Variants in KALRN observed in about 807,000 individuals in gnomAD.
The protein encoded by KALRN is kalirin.
A neutral mutation model predicts 353.7 loss-of-function variants in KALRN; 70 were observed. That is an observed-to-expected ratio of 0.20 (90% CI 0.16 to 0.24). The LOEUF is 0.24. Among genes scored for constraint, KALRN ranks in the 10% least tolerant of loss-of-function variants. The pLI, the probability that KALRN is intolerant of heterozygous loss-of-function variation, is 1.00. For synonymous variants in KALRN, 1,391 were observed against 1,434.8 expected (o/e 0.97, Z 0.69); for missense variants, 2,791 against 3,756.7 (o/e 0.74, Z 6.72).
At chr3:124,477,469 GA>G in intron 27 of KALRN, 135 bp downstream of exon 27, 6 of 672,658 alleles carry the variant, frequency 8.9e-6, no homozygotes, top group Non-Finnish European at 1.5e-5. Context: ...CTTAAGCATG[GA>G]AAAAAAGCAA....
chr3:124,035,181 C>T (rs561005235), intron 1 of KALRN, among the ~76,000 whole-genome samples: 1 of 152,216 alleles, frequency 6.6e-6, no homozygotes, highest in South Asian at 2.1e-4. Flanking sequence ...CTTCCTCCTT[C>T]CTTCCCTCCT....
intron 1 of KALRN, among the ~76,000 whole-genome samples, chr3:124,139,854 C>T (rs2066410672): frequency 6.6e-6 from 1 of 152,120 alleles, no homozygotes; most frequent in South Asian, 2.1e-4. Flanking sequence ...GAAAGGGCTT[C>T]CTGGTTTCAG....
chr3:124,046,141 G>A (rs563081082), intron 1 of KALRN, among the ~76,000 whole-genome samples: 2 of 152,120 alleles, frequency 1.3e-5, no homozygotes, highest in Non-Finnish European at 2.9e-5. Context: ...ATTTTAAAAG[G>A]TTATCAGGTC....
intron 32 of KALRN, among the ~76,000 whole-genome samples, chr3:124,493,209 G>C (rs894627684): frequency 6.6e-6 from 1 of 152,184 alleles, no homozygotes; most frequent in South Asian, 2.1e-4. Flanking sequence ...CACGTATAGG[G>C]ATCATAAATT....
intron 1 of KALRN, among the ~76,000 whole-genome samples, chr3:124,204,762 C>T (rs2076261319): frequency 6.6e-6 from 1 of 152,180 alleles, no homozygotes; most frequent in Non-Finnish European, 1.5e-5. Context: ...TGTGATGCCT[C>T]CCCCATCTCT....
chr3:124,617,753 C>A (rs1474102857), intron 34 of KALRN, among the ~76,000 whole-genome samples: 2 of 152,102 alleles, frequency 1.3e-5, no homozygotes, highest in African/African-American at 4.8e-5. Context: ...CCCACAAGTC[C>A]CCAGATGATA....
At chr3:124,567,833 G>A (rs1284351879) in intron 34 of KALRN, among the ~76,000 whole-genome samples, 1 of 152,068 alleles carries the variant, frequency 6.6e-6, no homozygotes, top group Admixed American at 6.6e-5. Context: ...AAATTAGCCG[G>A]GCATAGTGGC....
chr3:124,368,720 G>T (rs1282344052), intron 10 of KALRN, among the ~76,000 whole-genome samples: 5 of 148,966 alleles, frequency 3.4e-5, no homozygotes, highest in Non-Finnish European at 7.5e-5. Context: ...CGGCTGGGAG[G>T]TGTAGGTTGT....
chr3:124,547,002 G>A (rs1429746573), intron 33 of KALRN, among the ~76,000 whole-genome samples: 1 of 152,170 alleles, frequency 6.6e-6, no homozygotes. Flanking sequence ...CAAAGAACTT[G>A]AAGTCAGCCT....
intron 48 of KALRN, among the ~76,000 whole-genome samples, chr3:124,673,437 T>TATATAC: frequency 6.8e-6 from 1 of 147,982 alleles, no homozygotes; most frequent in South Asian, 2.1e-4. Context: ...ATCCTGTATG[T>TATATAC]ATATACATAT....
At chr3:124,062,476 C>A (rs2042057309) in intron 1 of KALRN, among the ~76,000 whole-genome samples, 1 of 152,200 alleles carries the variant, frequency 6.6e-6, no homozygotes. Flanking sequence ...GCATCAGACC[C>A]ACTCGGGGAC....
At chr3:124,480,890 T>C (rs2061918957) in intron 27 of KALRN, among the ~76,000 whole-genome samples, 1 of 152,246 alleles carries the variant, frequency 6.6e-6, no homozygotes, top group Admixed American at 6.5e-5. Flanking sequence ...GAACTTCATT[T>C]CTTTTTATGT....
At chr3:124,097,611 AAAGG>A (rs1443602074) in intron 1 of KALRN, among the ~76,000 whole-genome samples, 1 of 152,254 alleles carries the variant, frequency 6.6e-6, no homozygotes, top group Non-Finnish European at 1.5e-5. Context: ...ACACCTAGGA[AAAGG>A]CAGGAAACAT....
At chr3:124,430,617 G>A (rs183739971) in intron 15 of KALRN, 39 bp from the exon 16 acceptor site, 28 of 1,610,156 alleles carry the variant, frequency 1.7e-5, no homozygotes, top group East Asian at 4.5e-5. Context: ...GGGAAACTGC[G>A]GAAGGCCATT....
At chr3:124,272,405 T>C (rs1324954388) in intron 5 of KALRN, among the ~76,000 whole-genome samples, 1 of 152,196 alleles carries the variant, frequency 6.6e-6, no homozygotes, top group Non-Finnish European at 1.5e-5. Flanking sequence ...TGGAAGAGAA[T>C]GCTATATTTC....
At chr3:124,231,009 G>A (rs2079093730) in intron 2 of KALRN, among the ~76,000 whole-genome samples, 1 of 152,212 alleles carries the variant, frequency 6.6e-6, no homozygotes, top group Non-Finnish European at 1.5e-5. Flanking sequence ...GAAGAAGAAA[G>A]CGCTGCAAGG....
intron 54 of KALRN, 32 bp downstream of exon 54, chr3:124,696,287 AATAT>A (rs751932230): frequency 2.5e-6 from 4 of 1,603,566 alleles, no homozygotes; most frequent in Non-Finnish European, 3.4e-6. Context: ...AACCTTTTGA[AATAT>A]ATATATATTT....
At position 124,367,621 on chromosome 3, in the gene KALRN, G is replaced by A. The variant is rs1233408923; in HGVS notation, c.1771-17224G>A. 3.6e-4 allele frequency among the ~76,000 whole-genome samples: 10 copies of A among 27,844 alleles called. No individual in the cohort carries two copies. The East Asian group carries it at 0.026, about 73-fold the overall frequency. 18.3% of individuals were successfully genotyped at this position (27,844 alleles called of 152,430 possible). On this transcript the variant is annotated intron_variant, in intron 10 of 59. Coordinates refer to ENST00000682506, the MANE Select transcript of KALRN (RefSeq NM_001388419.1). Reference sequence around the variant, plus strand: ...GCGCCCCTCACCTCCCGGACGGGGCGGCTGGCCGGGTTGGGGGGCTGACCG... The same window carrying A: ...GCGCCCCTCACCTCCCGGACGGGGCAGCTGGCCGGGTTGGGGGGCTGACCG...
At chr3:124,686,144 C>T (rs577233469) in intron 51 of KALRN, among the ~76,000 whole-genome samples, 1 of 152,304 alleles carries the variant, frequency 6.6e-6, no homozygotes, top group African/African-American at 2.4e-5. Flanking sequence ...ACTTTAAAAC[C>T]TGCTCTAACA....
Sources: allele counts gnomAD v4.1 joint callset (sites outside exome capture counted in the v4.1 genomes callset), GRCh38; gene constraint gnomAD v4.1.1; transcripts MANE v1.5; gene names NCBI Gene and HGNC (gene_info 2026-07-23, HGNC 2026-07-21).